HAPSTR1: variants seen among roughly 807,000 people sequenced by gnomAD.
The protein encoded by HAPSTR1 is HUWE1-associated protein modifying stress responses 1.
At chr16:9,107,268 G>C in the HAPSTR1 span, 1 of 152,232 alleles carries the variant, frequency 6.6e-6, no homozygotes, top group African/African-American at 2.4e-5. Flanking sequence ...CAGATTCGGT[G>C]CTGTCTCTGG....
the HAPSTR1 span, among the ~76,000 whole-genome samples, chr16:9,096,229 G>A: frequency 6.6e-6 from 1 of 152,182 alleles, no homozygotes; most frequent in Non-Finnish European, 1.5e-5. Flanking sequence ...GGCATAGTGA[G>A]TGCTCTGGCA....
chr16:9,099,254 A>T, the HAPSTR1 span, among the ~76,000 whole-genome samples: 165 of 146,500 alleles, frequency 1.1e-3, 1 homozygote, highest in Middle Eastern at 6.9e-3. Context: ...CTGGAGTGCC[A>T]TGGTGCAATC....
chr16:9,108,168 A>G, the HAPSTR1 span: 2 of 152,166 alleles, frequency 1.3e-5, no homozygotes, highest in African/African-American at 4.8e-5. Context: ...GCATCACACT[A>G]AGGAGGTTGT....
chr16:9,099,048 C>T, the HAPSTR1 span, among the ~76,000 whole-genome samples: 2 of 152,040 alleles, frequency 1.3e-5, no homozygotes, highest in Admixed American at 1.3e-4. Flanking sequence ...ATTCTTTGCC[C>T]TCTGCCCCCA....
chr16:9,115,701 G>A, the HAPSTR1 span, among the ~76,000 whole-genome samples: 2 of 152,052 alleles, frequency 1.3e-5, no homozygotes, highest in African/African-American at 2.4e-5. Flanking sequence ...TGCAACCACC[G>A]CCTCCCGGGT....
the HAPSTR1 span, among the ~76,000 whole-genome samples, chr16:9,114,550 A>G: frequency 1.3e-5 from 2 of 152,186 alleles, no homozygotes; most frequent in African/African-American, 4.8e-5. Context: ...TCACTATTTC[A>G]GAGAGCTGCA....
the HAPSTR1 span, chr16:9,112,511 TAGAC>T: frequency 7.6e-4 from 116 of 152,370 alleles, 3 homozygotes; most frequent in African/African-American, 2.7e-3. Flanking sequence ...GGGAAGCAGA[TAGAC>T]AGTGTAGATG....
chr16:9,092,794 G>T, the HAPSTR1 span: 1 of 1,019,326 alleles, frequency 9.8e-7, no homozygotes, highest in Non-Finnish European at 1.4e-6. Flanking sequence ...TGAACAAAAT[G>T]GCGAAACCTA....
chr16:9,097,026 G>A, the HAPSTR1 span, among the ~76,000 whole-genome samples: 3 of 151,560 alleles, frequency 2.0e-5, no homozygotes, highest in Non-Finnish European at 4.4e-5. Context: ...CACTGCAACC[G>A]CCTCCCTGGT....
chr16:9,108,663 C>T, the HAPSTR1 span: 1 of 152,150 alleles, frequency 6.6e-6, no homozygotes, highest in Non-Finnish European at 1.5e-5. Context: ...CTGAGGTTTT[C>T]CCCATAAGCT....
At chr16:9,110,352 A>G in the HAPSTR1 span, 9 of 152,186 alleles carry the variant, frequency 5.9e-5, no homozygotes, top group Admixed American at 4.6e-4. Context: ...AGAAGAATGT[A>G]AGGCAGATAA....
the HAPSTR1 span, among the ~76,000 whole-genome samples, chr16:9,100,532 T>C: frequency 0.011 from 1,600 of 152,216 alleles, 29 homozygotes; most frequent in African/African-American, 0.037. Flanking sequence ...GTTTACATGC[T>C]TACTTCATCT....
the HAPSTR1 span, chr16:9,102,867 G>C: frequency 2.0e-6 from 2 of 1,009,996 alleles, no homozygotes; most frequent in Non-Finnish European, 2.9e-6. Flanking sequence ...TTACTGATGG[G>C]CTCAGAGGCC....
At chr16:9,104,069 G>A in the HAPSTR1 span, 1 of 151,722 alleles carries the variant, frequency 6.6e-6, no homozygotes, top group Non-Finnish European at 1.5e-5. Flanking sequence ...GGATCACGCA[G>A]ATGGCTAAGC....
chr16:9,095,265 CTT>C, the HAPSTR1 span, among the ~76,000 whole-genome samples: 79 of 152,232 alleles, frequency 5.2e-4, no homozygotes, highest in African/African-American at 1.8e-3. Flanking sequence ...TAGCCTCACA[CTT>C]TTTCTTTTTC....
At chr16:9,100,437 C>A in the HAPSTR1 span, among the ~76,000 whole-genome samples, 84 of 151,974 alleles carry the variant, frequency 5.5e-4, no homozygotes, top group Middle Eastern at 3.4e-3. Context: ...TTTTTAAACA[C>A]CTCACGTGGC....
chr16:9,108,100 CATGGG>C, the HAPSTR1 span: 1 of 152,032 alleles, frequency 6.6e-6, no homozygotes, highest in Non-Finnish European at 1.5e-5. Context: ...CTGAGACTTC[CATGGG>C]ACCTTAGGGT....
the HAPSTR1 span, among the ~76,000 whole-genome samples, chr16:9,098,601 T>G: frequency 6.6e-6 from 1 of 152,086 alleles, no homozygotes; most frequent in African/African-American, 2.4e-5. Context: ...TCTCTTGAGA[T>G]CTTGAGGCTA....
the HAPSTR1 span, among the ~76,000 whole-genome samples, chr16:9,100,521 T>C: frequency 4.6e-5 from 7 of 152,184 alleles, no homozygotes; most frequent in Admixed American, 6.5e-5. Context: ...GCCAGGTGTA[T>C]GTTTACATGC....
Sources: allele counts gnomAD v4.1 joint callset (sites outside exome capture counted in the v4.1 genomes callset), GRCh38; gene constraint gnomAD v4.1.1; transcripts MANE v1.5; gene names NCBI Gene and HGNC (gene_info 2026-07-23, HGNC 2026-07-21).